RSRC2: variants seen among roughly 807,000 people sequenced by gnomAD.
RSRC2 encodes the protein arginine and serine rich coiled-coil 2.
In RSRC2, 5 loss-of-function variants were observed where a neutral mutation model predicts 61.3. The ratio of observed to expected loss-of-function variants is 0.08; its 90% CI spans 0.04 to 0.17. RSRC2 has a LOEUF of 0.17. Ranked by LOEUF, RSRC2 falls within the 10% of genes least tolerant of loss-of-function variation. RSRC2 has a pLI of 1.00. For synonymous variants in RSRC2, 202 were observed against 166.5 expected (o/e 1.21, Z -1.64); for missense variants, 381 against 518.8 (o/e 0.73, Z 2.58).
At position 122,503,745 on chromosome 12, in the gene RSRC2, C is replaced by T. The variant is rs532521229; in HGVS notation, c.*1782G>A. 19 of 152,276 alleles carry T rather than the reference C, an allele frequency of 1.2e-4. No homozygotes were observed. The highest frequency in any genetic ancestry group is 4.1e-4 in the African/African-American group (17 of 41,554). 9.4% of individuals were successfully genotyped at this position (152,276 alleles called of 1,614,324 possible). ...GAAAAGCCATTTTGCCATAGAATTTCTGTGCTCTGGGAAAATGAAAGGTTT... is the reference window on the plus strand; with the variant it reads ...GAAAAGCCATTTTGCCATAGAATTTTTGTGCTCTGGGAAAATGAAAGGTTT... On this transcript the variant is annotated 3_prime_UTR_variant, in exon 10 of 10. Coordinates refer to ENST00000331738, the MANE Select transcript of RSRC2 (RefSeq NM_023012.6).
chr12:122,518,946 T>C lies in RSRC2; in HGVS notation c.291A>G (p.Lys97=). 1 of 1,613,928 alleles carries C rather than the reference T, an allele frequency of 6.2e-7. No homozygotes were observed. The highest frequency in any genetic ancestry group is 8.5e-7 in the Non-Finnish European group (1 of 1,179,804). Residue 97 remains lysine (K), a synonymous_variant, in exon 4 of 10, where the codon AAA becomes AAG. Coordinates refer to ENST00000331738, the MANE Select transcript of RSRC2 (RefSeq NM_023012.6). ...EHNDKEHSSD[K]GRERLNSSEN... ...CAGATGAATTTAGTCGCTCTCTTCC[T>C]TTATCAGAAGAATGTTCTTTGTCAT...
intron 3 of RSRC2, chr12:122,519,684 T>C (rs1450668169): frequency 6.6e-6 from 1 of 152,482 alleles, no homozygotes; most frequent in Non-Finnish European, 1.5e-5. Flanking sequence ...AAATGGCAAC[T>C]GTATGTTTCA....
rs770531809 is a variant in RSRC2 at position 122,526,863 on chromosome 12, TCCCGGC to T, written c.-16_-11del. On this transcript the variant is annotated 5_prime_UTR_variant, in exon 1 of 10. Transcript: ENST00000331738. ...CGGTACCTACCGCCATAGTTCAGAG[TCCCGGC>T]CGCTAGAGCGGCGCCTCCACTTGTC... The T allele has an allele frequency of 2.5e-6, 4 of 1,614,176 alleles. No individual in the cohort carries two copies. Among genetic ancestry groups the T allele is most frequent in the Non-Finnish European group, 3.4e-6 (4 of 1,180,020 alleles).
chr12:122,508,437 A>C lies in RSRC2; in HGVS notation c.816T>G (p.Thr272=), dbSNP rs1565887235. The change falls in exon 8 of 10, where the codon ACT becomes ACG. Residue 272 remains threonine (T), a synonymous_variant. Coordinates refer to ENST00000331738, the MANE Select transcript of RSRC2 (RefSeq NM_023012.6). ...CAGCAACATTGAGAACAGAACCTCC[A>C]GTAGCTGCAGCTGCTTGAAGAGAAT... ...KQQEIAAAAA[T]GGSVLNVAAL... is the part of the protein sequence containing the mutation. 2 of 1,613,650 alleles carry C rather than the reference A, an allele frequency of 1.2e-6. No homozygotes were observed. The highest frequency in any genetic ancestry group is 1.7e-6 in the Non-Finnish European group (2 of 1,179,604).
rs1958428362 is a variant in RSRC2, at chr12:122,510,556, T to C, written c.805+553A>G. On this transcript the variant is annotated intron_variant, in intron 7 of 9. Transcript: ENST00000331738. ...CAACAACAAGATCTGTCATGATGAC[T>C]AGTGTTACATAAACAAACATACTCA... is the stretch of plus-strand genomic sequence containing the variant. Among the ~76,000 whole-genome samples the C allele has an allele frequency of 2.0e-5, 3 of 152,152 alleles. 1 individual carries two copies. The highest frequency in any genetic ancestry group is 7.2e-5 in the African/African-American group (3 of 41,426).
At chr12:122,521,073 AG>A (rs1243818625) in intron 3 of RSRC2, 1 of 288,330 alleles carries the variant, frequency 3.5e-6, no homozygotes, top group East Asian at 7.2e-5. Flanking sequence ...GTCAGGCACC[AG>A]GAGACTCGGG....
chr12:122,526,859 A>C lies in RSRC2; in HGVS notation c.-6T>G. 1 of 1,614,258 alleles carries C rather than the reference A, an allele frequency of 6.2e-7. No homozygotes were observed. Among genetic ancestry groups the C allele is most frequent in the Non-Finnish European group, 8.5e-7 (1 of 1,180,038 alleles). ...GATTCGGTACCTACCGCCATAGTTCAGAGTCCCGGCCGCTAGAGCGGCGCC... is the reference window on the plus strand; with the variant it reads ...GATTCGGTACCTACCGCCATAGTTCCGAGTCCCGGCCGCTAGAGCGGCGCC... On this transcript the variant is annotated 5_prime_UTR_variant, in exon 1 of 10. Transcript: ENST00000331738.
chr12:122,508,152 A>C (rs1486994405), intron 8 of RSRC2, 66 bp downstream of exon 8: 2 of 1,412,578 alleles, frequency 1.4e-6, no homozygotes, highest in Non-Finnish European at 1.0e-6. Context: ...TTTCAACCCA[A>C]ATTTGTTTTT....
Position 122,518,801 on chromosome 12 carries a change from T to C in RSRC2, c.398+38A>G. ...GGTCAATGAGAAACTTTATGTAACTTGTTAGAAGGTACTACATTATAATAC... is the reference window on the plus strand; with the variant it reads ...GGTCAATGAGAAACTTTATGTAACTCGTTAGAAGGTACTACATTATAATAC... On this transcript the variant is annotated intron_variant, in intron 4 of 9. Coordinates refer to ENST00000331738, the MANE Select transcript of RSRC2 (RefSeq NM_023012.6). 3 of 1,504,732 alleles carry C rather than the reference T, an allele frequency of 2.0e-6. 1 individual carries two copies. Among genetic ancestry groups the C allele is most frequent in the Non-Finnish European group, 2.8e-6 (3 of 1,083,210 alleles). The allele number at this position is 1,504,732 out of a possible 1,614,324, so 93.2% of individuals were successfully genotyped here. A position where few individuals can be genotyped will look rare whatever the true frequency, so the allele number is the denominator to read the frequency against.
chr12:122,505,784 A>ATTT, intron 9 of RSRC2, 78 bp from the exon 10 acceptor site: 2 of 1,062,538 alleles, frequency 1.9e-6, no homozygotes, highest in Non-Finnish European at 1.3e-6. Context: ...TTTTTTATGT[A>ATTT]TTTTTTTTTT....
rs1555218449 is a variant in RSRC2 at position 122,526,863 on chromosome 12, T to A, written c.-10A>T. 1.1e-5 allele frequency: 18 copies of A among 1,614,176 alleles called. No homozygotes were observed. In the Middle Eastern group the frequency reaches 4.9e-4, roughly 44 times the overall value. ...CGGTACCTACCGCCATAGTTCAGAG[T>A]CCCGGCCGCTAGAGCGGCGCCTCCA... On this transcript the variant is annotated 5_prime_UTR_variant, in exon 1 of 10. Coordinates refer to ENST00000331738, the MANE Select transcript of RSRC2 (RefSeq NM_023012.6).
chr12:122,520,554 CA>C, intron 3 of RSRC2: 1 of 1,367,696 alleles, frequency 7.3e-7, no homozygotes, highest in Non-Finnish European at 9.8e-7. Context: ...GCAGCGTCTT[CA>C]GTTCAGTCTC....
At chr12:122,506,587 G>A (rs1048398813) in intron 9 of RSRC2, 1 of 394,686 alleles carries the variant, frequency 2.5e-6, no homozygotes, top group Non-Finnish European at 4.6e-6. Flanking sequence ...TCCAGCCCAA[G>A]TGACAGAGCA....
In RSRC2 at chr12:122,525,801, G is replaced by GTTTT. The variant is rs1169838098; in HGVS notation, c.6+1043_6+1046dup. Among the ~76,000 whole-genome samples the GTTTT allele has an allele frequency of 2.2e-3, 47 of 21,502 alleles. 13 individuals are homozygous for GTTTT. Among genetic ancestry groups the GTTTT allele is most frequent in the African/African-American group, 0.013 (34 of 2,686 alleles). The allele number at this position is 21,502 out of a possible 152,430, so 14.1% of individuals were successfully genotyped here. ...GTAGCTCCTCTGGGGTCAACGAAGA[G>GTTTT]TTTTTTTTTTTTTTTTTTTTTTTTT... is the stretch of plus-strand genomic sequence containing the variant. On this transcript the variant is annotated intron_variant, in intron 1 of 9. Transcript: ENST00000331738.
chr12:122,526,920 A>T lies in RSRC2; in HGVS notation c.-67T>A. ...GCTTTCAACAGTACCGGCCGCTCCGAAGCTTCGCCTCAGACTAAATCGCTC... is the reference window on the plus strand; with the variant it reads ...GCTTTCAACAGTACCGGCCGCTCCGTAGCTTCGCCTCAGACTAAATCGCTC... On this transcript the variant is annotated 5_prime_UTR_variant, in exon 1 of 10. Coordinates refer to ENST00000331738, the MANE Select transcript of RSRC2 (RefSeq NM_023012.6). 6.3e-7 allele frequency: 1 copy of T among 1,595,458 alleles called. No individual in the cohort carries two copies. Among genetic ancestry groups the T allele is most frequent in the Non-Finnish European group, 8.6e-7 (1 of 1,163,322 alleles).
intron 2 of RSRC2, among the ~76,000 whole-genome samples, 163 bp from the exon 3 acceptor site, chr12:122,521,591 T>C (rs1959216222): frequency 6.6e-6 from 1 of 152,194 alleles, no homozygotes; most frequent in Non-Finnish European, 1.5e-5. Context: ...ACAACACACA[T>C]GTGAAACAAA....
intron 3 of RSRC2, 184 bp downstream of exon 3, chr12:122,521,201 C>G: frequency 6.3e-6 from 3 of 476,810 alleles, no homozygotes; most frequent in Non-Finnish European, 1.1e-5. Context: ...TTTGAAGGTA[C>G]TTTTCACATA....
chr12:122,506,470 G>A (rs1166222649), intron 9 of RSRC2: 2 of 184,292 alleles, frequency 1.1e-5, no homozygotes, highest in African/African-American at 4.7e-5. Context: ...TGGAGGCTGG[G>A]CGCAGTGGCT....
intron 6 of RSRC2, among the ~76,000 whole-genome samples, chr12:122,513,267 TA>T (rs936708474): frequency 3.4e-5 from 5 of 149,206 alleles, no homozygotes; most frequent in Admixed American, 6.7e-5. Context: ...AAATAAAAAA[TA>T]AAAAAAGTAG....
Sources: gnomAD v4.1 joint callset for allele counts (sites outside exome capture counted in the v4.1 genomes callset) on GRCh38, gnomAD v4.1.1 for gene constraint, MANE v1.5 for transcripts, NCBI Gene and HGNC (gene_info 2026-07-23, HGNC 2026-07-21) for gene names.